ESRRG: variants seen among roughly 807,000 people sequenced by gnomAD.
ESRRG encodes the protein estrogen related receptor gamma, also known as estrogen-related receptor gamma.
Under a neutral mutation model 44.0 loss-of-function variants are expected in ESRRG, and 13 were observed. That is an observed-to-expected ratio of 0.30 (90% CI 0.19 to 0.47). ESRRG has a LOEUF of 0.47. ESRRG is among the 20% of genes least tolerant of loss of function. The pLI, the probability that ESRRG is intolerant of heterozygous loss-of-function variation, is 1.00. For synonymous variants in ESRRG, 215 were observed against 214.6 expected (o/e 1.00, Z -0.02); for missense variants, 395 against 580.6 (o/e 0.68, Z 3.29).
chr1:216,803,841 C>G (rs949738541), intron 2 of ESRRG, among the ~76,000 whole-genome samples: 46 of 152,014 alleles, frequency 3.0e-4, no homozygotes, highest in Non-Finnish European at 6.5e-4. Context: ...GAGTTTTATT[C>G]CCACTCCAAA....
At chr1:217,030,566 AC>A (rs1443906644) in intron 1 of ESRRG, among the ~76,000 whole-genome samples, 1 of 152,216 alleles carries the variant, frequency 6.6e-6, no homozygotes, top group Admixed American at 6.5e-5. Context: ...TTCCTCATTT[AC>A]AAAATAAAGT....
intron 1 of ESRRG, among the ~76,000 whole-genome samples, chr1:217,110,197 C>A (rs975951465): frequency 2.6e-5 from 4 of 152,160 alleles, no homozygotes; most frequent in Admixed American, 1.3e-4. Context: ...CAAATATGGC[C>A]TCAAAATTGT....
intron 2 of ESRRG, among the ~76,000 whole-genome samples, chr1:216,660,870 A>C (rs1375435540): frequency 6.6e-6 from 1 of 152,188 alleles, no homozygotes; most frequent in African/African-American, 2.4e-5. Flanking sequence ...GTTTAATTCC[A>C]CAGAAACCAA....
At chr1:216,781,682 G>A (rs1345820929) in intron 2 of ESRRG, among the ~76,000 whole-genome samples, 1 of 151,964 alleles carries the variant, frequency 6.6e-6, no homozygotes, top group Non-Finnish European at 1.5e-5. Context: ...ATGAGCAAAT[G>A]GTCCTCTCTT....
intron 1 of ESRRG, among the ~76,000 whole-genome samples, chr1:216,999,867 T>C (rs985883794): frequency 6.6e-6 from 1 of 152,234 alleles, no homozygotes; most frequent in South Asian, 2.1e-4. Flanking sequence ...GCATCTTCAA[T>C]GTGAAAAGAT....
chr1:216,523,466 T>G (rs2046685558), intron 5 of ESRRG, among the ~76,000 whole-genome samples: 1 of 150,634 alleles, frequency 6.6e-6, no homozygotes, highest in Non-Finnish European at 1.5e-5. Flanking sequence ...TTGACAGTGG[T>G]GCCATGGGCA....
At chr1:216,633,858 T>A (rs1171075068) in intron 3 of ESRRG, among the ~76,000 whole-genome samples, 1 of 152,194 alleles carries the variant, frequency 6.6e-6, no homozygotes, top group Non-Finnish European at 1.5e-5. Flanking sequence ...AAAGGAAGAA[T>A]CCCTACAGAG....
intron 2 of ESRRG, among the ~76,000 whole-genome samples, chr1:216,745,553 A>G (rs1174962987): frequency 7.1e-6 from 1 of 140,514 alleles, no homozygotes; most frequent in African/African-American, 2.4e-5. Context: ...TGTGCTATGC[A>G]TAGGAGTTTT....
At chr1:216,736,988 A>G (rs1343406499) in intron 2 of ESRRG, among the ~76,000 whole-genome samples, 5 of 152,180 alleles carry the variant, frequency 3.3e-5, no homozygotes, top group Non-Finnish European at 5.9e-5. Context: ...CTCCACCCCC[A>G]GCCCCTACGT....
chr1:217,034,408 T>C (rs1579839243), intron 1 of ESRRG, among the ~76,000 whole-genome samples: 1 of 152,172 alleles, frequency 6.6e-6, no homozygotes, highest in Admixed American at 6.5e-5. Flanking sequence ...ACACGTTCTT[T>C]TGAAAATTTT....
intron 2 of ESRRG, among the ~76,000 whole-genome samples, chr1:216,844,203 T>A (rs1208797130): frequency 6.6e-6 from 1 of 152,058 alleles, no homozygotes; most frequent in African/African-American, 2.4e-5. Flanking sequence ...AGAGTTAAGA[T>A]CCAGATCCTC....
At chr1:216,685,813 T>A (rs1210363105) in intron 1 of ESRRG, among the ~76,000 whole-genome samples, 2 of 152,216 alleles carry the variant, frequency 1.3e-5, no homozygotes, top group East Asian at 3.8e-4. Context: ...CTCATTAAGA[T>A]AATGTTTTGC....
At chr1:216,611,122 G>A (rs2060595914) in intron 3 of ESRRG, among the ~76,000 whole-genome samples, 1 of 142,132 alleles carries the variant, frequency 7.0e-6, no homozygotes, top group African/African-American at 2.6e-5. Flanking sequence ...AGAGTCTCTT[G>A]AACCCGGGAG....
intron 1 of ESRRG, among the ~76,000 whole-genome samples, chr1:217,006,970 T>A (rs1474434995): frequency 6.6e-6 from 1 of 152,162 alleles, no homozygotes; most frequent in Non-Finnish European, 1.5e-5. Context: ...AGCTTCCCCA[T>A]AAGTACTTTA....
chr1:216,718,193 G>A (rs1165772599), intron 1 of ESRRG, among the ~76,000 whole-genome samples: 6 of 151,712 alleles, frequency 4.0e-5, no homozygotes, highest in Non-Finnish European at 8.9e-5. Context: ...AATCATGCCT[G>A]GCAAATTTAA....
intron 1 of ESRRG, among the ~76,000 whole-genome samples, chr1:217,031,451 G>T (rs1233611489): frequency 6.6e-6 from 1 of 152,266 alleles, no homozygotes; most frequent in Non-Finnish European, 1.5e-5. Context: ...TGTCTAACTA[G>T]AGTAGCAGCA....
chr1:217,046,573 T>C (rs111618502), intron 1 of ESRRG, among the ~76,000 whole-genome samples: 94 of 152,176 alleles, frequency 6.2e-4, no homozygotes, highest in African/African-American at 2.2e-3. Flanking sequence ...GAGAGGAAAA[T>C]CTTAAGAATC....
At chr1:216,834,495 T>G (rs2095533761) in intron 2 of ESRRG, among the ~76,000 whole-genome samples, 1 of 152,258 alleles carries the variant, frequency 6.6e-6, no homozygotes, top group South Asian at 2.1e-4. Flanking sequence ...ATTTTTGATT[T>G]TTTTAAAAGA....
intron 1 of ESRRG, among the ~76,000 whole-genome samples, chr1:217,107,484 C>T (rs191675714): frequency 2.0e-4 from 30 of 152,316 alleles, no homozygotes; most frequent in African/African-American, 6.0e-4. Flanking sequence ...ATATATTGCA[C>T]TTTTTCCCCC....
Sources: gnomAD v4.1 joint callset for allele counts (sites outside exome capture counted in the v4.1 genomes callset) on GRCh38, gnomAD v4.1.1 for gene constraint, MANE v1.5 for transcripts, NCBI Gene and HGNC (gene_info 2026-07-23, HGNC 2026-07-21) for gene names.